The following MEI1 variants were observed in gnomAD, a reference collection of about 807,000 sequenced individuals.
MEI1 encodes meiosis inhibitor protein 1.
MEI1 carries 103 observed loss-of-function variants against 146.2 expected under a neutral mutation model. The observed-to-expected ratio is 0.70, with a 90% CI of 0.60 to 0.83. The LOEUF (loss-of-function observed/expected upper bound fraction) is 0.83, where lower values mean the gene tolerates loss of function less well. MEI1 is among the 40% of genes least tolerant of loss of function. MEI1 has a pLI of 0.00. For missense variants in MEI1, 1,529 were observed against 1,533.0 expected (o/e 1.00, Z 0.04); for synonymous variants, 652 against 628.2 (o/e 1.04, Z -0.57).
At chr22:41,711,256 T>C (rs1243091359) in intron 3 of MEI1, among the ~76,000 whole-genome samples, 1 of 152,056 alleles carries the variant, frequency 6.6e-6, no homozygotes, top group East Asian at 1.9e-4. Context: ...CACTGCAAGC[T>C]CTGCCTCCTG....
intron 19 of MEI1, among the ~76,000 whole-genome samples, chr22:41,765,407 A>G (rs2074781530): frequency 1.3e-5 from 2 of 152,220 alleles, no homozygotes; most frequent in South Asian, 4.1e-4. Context: ...CTTGAGCGCA[A>G]GAGGTCGAGG....
chr22:41,786,254 C>G (rs924689495), intron 26 of MEI1, among the ~76,000 whole-genome samples: 4 of 152,142 alleles, frequency 2.6e-5, no homozygotes, highest in Non-Finnish European at 5.9e-5. Context: ...GCTATATTTC[C>G]AGGCTGGTCT....
At chr22:41,733,636 T>C (rs2072061702) in intron 11 of MEI1, among the ~76,000 whole-genome samples, 1 of 151,480 alleles carries the variant, frequency 6.6e-6, no homozygotes, top group African/African-American at 2.4e-5. Context: ...TAGTCCCAGC[T>C]ACTCAGGAGG....
At position 41,722,467 on chromosome 22, in the gene MEI1, ATTTTTTTTTTTT is replaced by A. The variant is rs749033326; in HGVS notation, c.734-1466_734-1455del. Among the ~76,000 whole-genome samples, 510 of 127,614 alleles carry A rather than the reference ATTTTTTTTTTTT, an allele frequency of 4.0e-3. 5 individuals are homozygous for A. Among genetic ancestry groups the A allele is most frequent in the Non-Finnish European group, 6.0e-3 (367 of 61,332 alleles). 83.7% of individuals were successfully genotyped at this position (127,614 alleles called of 152,430 possible). ...TGCACGCCACCTTGCCAGCATTTTA[ATTTTTTTTTTTT>A]TTTTTTTTTGTAGAGATGGGGTCCC... On this transcript the variant is annotated intron_variant, in intron 6 of 30. Transcript: ENST00000401548.
At chr22:41,763,904 C>T (rs940472395) in intron 19 of MEI1, among the ~76,000 whole-genome samples, 1 of 151,668 alleles carries the variant, frequency 6.6e-6, no homozygotes, top group African/African-American at 2.4e-5. Flanking sequence ...TCTAATCTAA[C>T]CCTTCAGAGT....
chr22:41,782,354 T>TA (rs2075794901), intron 24 of MEI1, among the ~76,000 whole-genome samples: 1 of 152,106 alleles, frequency 6.6e-6, no homozygotes, highest in Non-Finnish European at 1.5e-5. Flanking sequence ...CCTGCGACCT[T>TA]AAAGTGCAGC....
intron 16 of MEI1, chr22:41,753,737 C>G (rs2147873721): frequency 2.2e-6 from 1 of 449,724 alleles, no homozygotes; most frequent in African/African-American, 2.0e-5. Context: ...CCTCAGCCTC[C>G]CAAAGTGCTA....
At chr22:41,752,914 C>G (rs2073864386) in intron 16 of MEI1, among the ~76,000 whole-genome samples, 2 of 152,088 alleles carry the variant, frequency 1.3e-5, no homozygotes, top group African/African-American at 4.8e-5. Context: ...GGTGCAGTGG[C>G]TCATGGCTGT....
chr22:41,737,265 C>G (rs1406673181), intron 11 of MEI1, among the ~76,000 whole-genome samples: 1 of 151,152 alleles, frequency 6.6e-6, no homozygotes, highest in African/African-American at 2.4e-5. Context: ...GAGACGGAGT[C>G]TTGCTCTGTC....
At chr22:41,788,599 C>G (rs2076069472) in intron 26 of MEI1, among the ~76,000 whole-genome samples, 1 of 151,618 alleles carries the variant, frequency 6.6e-6, no homozygotes, top group Admixed American at 6.6e-5. Flanking sequence ...TGCCACCATG[C>G]CTGGCTAATT....
At position 41,781,820 on chromosome 22, in the gene MEI1, C is replaced by T; in HGVS notation, c.3062C>T (p.Ala1021Val). Residue 1021 changes from alanine to valine, a missense_variant, in exon 24 of 31, where the codon GCC becomes GTC. Transcript: ENST00000401548. ...SAWLLTASFS[A>V]QQHKGSLQVH... ...TGGCTGCTCACTGCCTCCTTCTCTG[C>T]CCAGCAGCACAAGGGCAGTTTGCAG... is the stretch of plus-strand genomic sequence containing the variant. The T allele has an allele frequency of 6.2e-7, 1 of 1,613,966 alleles. No individual in the cohort carries two copies. The highest frequency in any genetic ancestry group is 1.1e-5 in the South Asian group (1 of 91,072).
intron 17 of MEI1, among the ~76,000 whole-genome samples, chr22:41,754,720 G>A (rs1331527565): frequency 6.6e-6 from 1 of 152,154 alleles, no homozygotes; most frequent in African/African-American, 2.4e-5. Flanking sequence ...GTGAGCTACC[G>A]TGCCCAGCCA....
chr22:41,771,358 C>T lies in MEI1; in HGVS notation c.2544+397C>T, dbSNP rs138071290. On this transcript the variant is annotated intron_variant, in intron 20 of 30. Coordinates refer to ENST00000401548, the MANE Select transcript of MEI1 (RefSeq NM_152513.4). ...CATTTCTGATGGCAGAGGGACTCCTCCTCTTTTTTGCCATGACTTACATGA... is the reference window on the plus strand; with the variant it reads ...CATTTCTGATGGCAGAGGGACTCCTTCTCTTTTTTGCCATGACTTACATGA... Among the ~76,000 whole-genome samples, 147 of 152,332 alleles carry T rather than the reference C, an allele frequency of 9.6e-4. 2 individuals are homozygous for T. The highest frequency in any genetic ancestry group is 3.7e-3 in the East Asian group (19 of 5,190).
In MEI1 at chr22:41,765,204, C is replaced by T. The variant is rs904159320; in HGVS notation, c.2268+1883C>T. On this transcript the variant is annotated intron_variant, in intron 19 of 30. Transcript: ENST00000401548. ...CTAATTATTGTATTTTTAGTAGAGACGGGTTTTCAACATGTTGGTCAGGCT... is the reference window on the plus strand; with the variant it reads ...CTAATTATTGTATTTTTAGTAGAGATGGGTTTTCAACATGTTGGTCAGGCT... Among the ~76,000 whole-genome samples the T allele has an allele frequency of 3.3e-5, 5 of 152,262 alleles. No individual in the cohort carries two copies. In the East Asian group the frequency reaches 7.7e-4, roughly 24 times the overall value.
intron 27 of MEI1, 98 bp downstream of exon 27, chr22:41,794,008 A>T (rs1373439916): frequency 4.4e-6 from 5 of 1,140,284 alleles, no homozygotes; most frequent in Non-Finnish European, 6.4e-6. Flanking sequence ...CCCTTGTGTG[A>T]CTCATACTTG....
At chr22:41,700,749 ATTTTTT>A (rs78862314) in intron 1 of MEI1, among the ~76,000 whole-genome samples, 23 of 117,638 alleles carry the variant, frequency 2.0e-4, no homozygotes, top group African/African-American at 8.4e-4. Context: ...GCAGTTCTCA[ATTTTTT>A]TTTTTTTTTT....
chr22:41,764,245 C>G (rs1012726279), intron 19 of MEI1, among the ~76,000 whole-genome samples: 2 of 152,132 alleles, frequency 1.3e-5, no homozygotes, highest in Non-Finnish European at 2.9e-5. Context: ...CAGGCGTGAG[C>G]CACCGTGCCC....
chr22:41,758,881 G>A (rs2074271847), intron 18 of MEI1, among the ~76,000 whole-genome samples: 2 of 152,236 alleles, frequency 1.3e-5, no homozygotes, highest in Admixed American at 1.3e-4. Context: ...GGTGGCTCAC[G>A]CCTGTAATCC....
Position 41,795,495 on chromosome 22 carries a change from A to C in MEI1, c.3619A>C (p.Thr1207Pro). Reference sequence around the variant, plus strand: ...AGGTGTGGCTTTGGCTGACCTGTCTACCCTCTCGAACACCACACTCCAGGC... The same window carrying C: ...AGGTGTGGCTTTGGCTGACCTGTCTCCCCTCTCGAACACCACACTCCAGGC... ...LQGVALADLS[T>P]LSNTTLQALH... The change falls in exon 29 of 31, where the codon ACC becomes CCC. Residue 1207 changes from threonine to proline, a missense_variant. Physicochemically the swap from Thr to Pro is conservative, Grantham distance 38 (BLOSUM62 -1). This residue lies in a region of MEI1 where 313 missense variants were observed against 337.3 expected (regional missense o/e 0.93). Transcript: ENST00000401548. This position sits in a 1 kb window ranked among gnomAD's most constrained non-coding sequence, Gnocchi z 4.2. The C allele has an allele frequency of 1.2e-6, 2 of 1,610,052 alleles. No individual in the cohort carries two copies. Among genetic ancestry groups the C allele is most frequent in the Non-Finnish European group, 1.7e-6 (2 of 1,178,094 alleles).
Sources: allele counts gnomAD v4.1 joint callset (sites outside exome capture counted in the v4.1 genomes callset), GRCh38; gene constraint gnomAD v4.1.1; regional missense constraint gnomAD v4.1.1; non-coding constraint Gnocchi (gnomAD v3.1); transcripts MANE v1.5; gene names NCBI Gene and HGNC (gene_info 2026-07-23, HGNC 2026-07-21).